LRFN5: variants seen among roughly 807,000 people sequenced by gnomAD.
LRFN5 encodes leucine rich repeat and fibronectin type III domain containing 5, also known as leucine-rich repeat and fibronectin type-III domain-containing protein 5.
A neutral mutation model predicts 45.6 loss-of-function variants in LRFN5; 24 were observed. The observed-to-expected ratio is 0.53, with a 90% CI of 0.38 to 0.74. The LOEUF (loss-of-function observed/expected upper bound fraction) is 0.74, where lower values mean the gene tolerates loss of function less well. Ranked by LOEUF, LRFN5 falls within the 30% of genes least tolerant of loss-of-function variation. The pLI is 0.00. For synonymous variants in LRFN5, 340 were observed against 313.8 expected (o/e 1.08, Z -0.88); for missense variants, 776 against 861.5 (o/e 0.90, Z 1.24).
chr14:41,837,361 C>CA (rs1888699258), intron 2 of LRFN5, among the ~76,000 whole-genome samples: 4 of 152,110 alleles, frequency 2.6e-5, no homozygotes, highest in African/African-American at 9.7e-5. Flanking sequence ...AAATGCTAGA[C>CA]TTAGTACAGG....
intron 1 of LRFN5, among the ~76,000 whole-genome samples, chr14:41,673,352 C>T (rs1449643776): frequency 1.3e-5 from 2 of 149,950 alleles, no homozygotes; most frequent in African/African-American, 2.4e-5. Context: ...GGGCTGACCC[C>T]CCACCTCCCT....
At chr14:41,770,571 G>T (rs933870494) in intron 2 of LRFN5, among the ~76,000 whole-genome samples, 2 of 152,160 alleles carry the variant, frequency 1.3e-5, no homozygotes, top group Non-Finnish European at 2.9e-5. Flanking sequence ...ACCCAGCAGG[G>T]CAGGCATTAA....
At chr14:41,702,465 G>A (rs1273514048) in intron 1 of LRFN5, among the ~76,000 whole-genome samples, 1 of 90,220 alleles carries the variant, frequency 1.1e-5, no homozygotes, top group Non-Finnish European at 2.8e-5. Flanking sequence ...TGAAGGTTTT[G>A]TTTGTTTGTT....
At chr14:41,620,443 A>G (rs1009737517) in intron 1 of LRFN5, among the ~76,000 whole-genome samples, 9 of 152,192 alleles carry the variant, frequency 5.9e-5, no homozygotes, top group African/African-American at 2.2e-4. Context: ...GCTTGTGTAT[A>G]CCATTGGTTT....
At chr14:41,895,353 G>T (rs577499833) in intron 4 of LRFN5, among the ~76,000 whole-genome samples, 1 of 152,086 alleles carries the variant, frequency 6.6e-6, no homozygotes, top group Admixed American at 6.6e-5. Context: ...GGCTGGGCAC[G>T]GGGGCTCACA....
At chr14:41,722,134 C>CT (rs1883743159) in intron 1 of LRFN5, among the ~76,000 whole-genome samples, 1 of 151,930 alleles carries the variant, frequency 6.6e-6, no homozygotes, top group Admixed American at 6.5e-5. Flanking sequence ...CTCTGAAATT[C>CT]TTTTTTTCTA....
At chr14:41,618,829 A>G (rs1401310103) in intron 1 of LRFN5, among the ~76,000 whole-genome samples, 3 of 152,196 alleles carry the variant, frequency 2.0e-5, no homozygotes, top group African/African-American at 7.2e-5. Flanking sequence ...ATAGCTAAGC[A>G]TGATGCCCCT....
At chr14:41,865,581 T>C (rs1392490301) in intron 2 of LRFN5, among the ~76,000 whole-genome samples, 2 of 152,180 alleles carry the variant, frequency 1.3e-5, no homozygotes, top group Non-Finnish European at 2.9e-5. Flanking sequence ...TGGTGTGTAA[T>C]TAGGAATGGA....
intron 2 of LRFN5, among the ~76,000 whole-genome samples, chr14:41,865,353 A>T (rs2139106429): frequency 6.6e-6 from 1 of 152,222 alleles, no homozygotes; most frequent in Non-Finnish European, 1.5e-5. Context: ...GGCTGTTTTT[A>T]TGTAGCATGA....
intron 1 of LRFN5, among the ~76,000 whole-genome samples, chr14:41,757,750 C>G (rs1280498676): frequency 3.3e-5 from 5 of 152,156 alleles, no homozygotes; most frequent in Non-Finnish European, 5.9e-5. Flanking sequence ...GCTCGGTGCG[C>G]TGCACCCACT....
chr14:41,893,159 A>G, intron 4 of LRFN5: 1 of 983,496 alleles, frequency 1.0e-6, no homozygotes. Flanking sequence ...AAACTGTGAT[A>G]AATCTAACTA....
chr14:41,663,872 T>G (rs2138643563), intron 1 of LRFN5, among the ~76,000 whole-genome samples: 1 of 152,098 alleles, frequency 6.6e-6, no homozygotes, highest in Admixed American at 6.6e-5. Context: ...AAATAAATAG[T>G]TTTTTTAAAT....
chr14:41,801,762 A>G (rs1025231014), intron 2 of LRFN5, among the ~76,000 whole-genome samples: 7 of 152,160 alleles, frequency 4.6e-5, no homozygotes, highest in Non-Finnish European at 7.3e-5. Context: ...AACTGCATAA[A>G]TTGCTCTTCT....
chr14:41,876,811 G>C (rs148707623), intron 2 of LRFN5, among the ~76,000 whole-genome samples: 4 of 151,914 alleles, frequency 2.6e-5, no homozygotes, highest in African/African-American at 9.7e-5. Flanking sequence ...GTTTTTACCC[G>C]CAGCATCCTC....
rs182243486 is a variant in LRFN5, at chr14:41,725,991, G to A, written c.-196-40863G>A. On this transcript the variant is annotated intron_variant, in intron 1 of 5. Coordinates refer to ENST00000298119, the MANE Select transcript of LRFN5 (RefSeq NM_152447.5). Reference sequence around the variant, plus strand: ...TTCATTTGGTTTAAATTTCTCATCAGTTATTTATTTGGTAGATTTTTCCTA... The same window carrying A: ...TTCATTTGGTTTAAATTTCTCATCAATTATTTATTTGGTAGATTTTTCCTA... 2.6e-5 allele frequency among the ~76,000 whole-genome samples: 4 copies of A among 152,186 alleles called. No homozygotes were observed. The East Asian group carries it at 7.7e-4, about 29-fold the overall frequency.
chr14:41,818,284 G>T (rs1272208912), intron 2 of LRFN5, among the ~76,000 whole-genome samples: 1 of 151,268 alleles, frequency 6.6e-6, no homozygotes. Context: ...GTAATTCATG[G>T]TACTATTTTT....
intron 2 of LRFN5, among the ~76,000 whole-genome samples, chr14:41,815,183 C>T (rs1011012225): frequency 6.6e-6 from 1 of 151,992 alleles, no homozygotes; most frequent in Admixed American, 6.6e-5. Flanking sequence ...TTCTTCTTGC[C>T]ATCCTATCAG....
At chr14:41,674,143 G>A (rs1274107185) in intron 1 of LRFN5, among the ~76,000 whole-genome samples, 2 of 138,810 alleles carry the variant, frequency 1.4e-5, no homozygotes, top group Non-Finnish European at 1.6e-5. Flanking sequence ...TTCCCAGTAG[G>A]GGCGGCCGGG....
intron 1 of LRFN5, among the ~76,000 whole-genome samples, chr14:41,740,275 T>TA (rs1884634250): frequency 6.6e-6 from 1 of 152,048 alleles, no homozygotes; most frequent in East Asian, 1.9e-4. Context: ...CCCTGATAAA[T>TA]ATGGAGCAAA....
Sources: gnomAD v4.1 joint callset for allele counts (sites outside exome capture counted in the v4.1 genomes callset) on GRCh38, gnomAD v4.1.1 for gene constraint, MANE v1.5 for transcripts, NCBI Gene and HGNC (gene_info 2026-07-23, HGNC 2026-07-21) for gene names.